The following ARHGEF10 variants were observed in gnomAD, a reference collection of about 807,000 sequenced individuals.
ARHGEF10 encodes Rho guanine nucleotide exchange factor 10.
A neutral mutation model predicts 147.4 loss-of-function variants in ARHGEF10; 140 were observed. That is an observed-to-expected ratio of 0.95 (90% confidence interval 0.83 to 1.09). ARHGEF10 has a LOEUF of 1.09. ARHGEF10 is among the 50% of genes least tolerant of loss of function. ARHGEF10 has a pLI of 0.00. For missense variants in ARHGEF10, 2,222 were observed against 1,752.7 expected, an observed-to-expected ratio of 1.27 and a Z score of -4.78; for synonymous variants, 902 against 695.8, an observed-to-expected ratio of 1.30 and a Z score of -4.67.
chr8:1,945,448 G>C (rs774868808), intron 26 of ARHGEF10, 33 bp from the exon 27 acceptor site: 1 of 1,559,988 alleles, frequency 6.4e-7, no homozygotes, highest in Non-Finnish European at 8.7e-7. Flanking sequence ...CTCACTCCAC[G>C]GGGCTAGCAG....
intron 11 of ARHGEF10, among the ~76,000 whole-genome samples, chr8:1,893,144 T>G (rs1809689617): frequency 6.6e-6 from 1 of 152,044 alleles, no homozygotes; most frequent in South Asian, 2.1e-4. Flanking sequence ...CTTTGTTTTC[T>G]TAGAACTTTG....
intron 13 of ARHGEF10, 54 bp downstream of exon 13, chr8:1,894,626 C>G (rs1200144834): frequency 6.3e-7 from 1 of 1,587,238 alleles, no homozygotes; most frequent in Non-Finnish European, 8.6e-7. Context: ...CACCTGTCCT[C>G]TCTTCCCTTC....
At chr8:1,908,445 G>T (rs1243189392) in intron 17 of ARHGEF10, among the ~76,000 whole-genome samples, 2 of 152,058 alleles carry the variant, frequency 1.3e-5, no homozygotes, top group Non-Finnish European at 2.9e-5. Context: ...TGTTAGCCAG[G>T]ATGGTCTCAA....
intron 12 of ARHGEF10, among the ~76,000 whole-genome samples, chr8:1,893,870 A>T (rs1319615885): frequency 2.0e-5 from 3 of 152,156 alleles, no homozygotes; most frequent in African/African-American, 7.2e-5. Flanking sequence ...ACATTCATTT[A>T]TCTAAGCTTT....
At chr8:1,835,062 G>A (rs1803497959) in intron 1 of ARHGEF10, among the ~76,000 whole-genome samples, 1 of 152,254 alleles carries the variant, frequency 6.6e-6, no homozygotes, top group African/African-American at 2.4e-5. Flanking sequence ...GGCGCTGATG[G>A]CCCCCGGCCC....
intron 16 of ARHGEF10, chr8:1,903,758 A>G: frequency 2.3e-6 from 1 of 436,208 alleles, no homozygotes; most frequent in Non-Finnish European, 4.2e-6. Context: ...TTTTCCTTTC[A>G]AAATAACGGT....
At chr8:1,844,511 G>A (rs1804392906) in intron 2 of ARHGEF10, among the ~76,000 whole-genome samples, 1 of 118,162 alleles carries the variant, frequency 8.5e-6, no homozygotes, top group Non-Finnish European at 1.9e-5. Context: ...ACAGGGGCCA[G>A]AAGGGATGCC....
At chr8:1,938,790 A>G (rs1371973733) in intron 26 of ARHGEF10, among the ~76,000 whole-genome samples, 1 of 152,146 alleles carries the variant, frequency 6.6e-6, no homozygotes, top group Non-Finnish European at 1.5e-5. Flanking sequence ...AAATAAAACA[A>G]CAGGCCCAGG....
intron 11 of ARHGEF10, among the ~76,000 whole-genome samples, chr8:1,888,470 T>TG (rs1316036661): frequency 1.2e-5 from 1 of 86,518 alleles, no homozygotes; most frequent in Admixed American, 9.8e-5. Context: ...GTGAGGGGTA[T>TG]TGAGGAGACA....
At chr8:1,918,142 C>T (rs1811900350) in intron 18 of ARHGEF10, among the ~76,000 whole-genome samples, 1 of 152,168 alleles carries the variant, frequency 6.6e-6, no homozygotes, top group Non-Finnish European at 1.5e-5. Context: ...AACAGTTTTT[C>T]TGAAACTGAG....
chr8:1,826,120 CCAGGATTTCT>C (rs1563140424), intron 1 of ARHGEF10: 1 of 1,594,642 alleles, frequency 6.3e-7, no homozygotes, highest in Middle Eastern at 1.7e-4. Context: ...GATGAGACCT[CCAGGATTTCT>C]CAGCAGTAAG....
chr8:1,955,991 T>G (rs4876268), intron 28 of ARHGEF10, among the ~76,000 whole-genome samples: 1 of 152,074 alleles, frequency 6.6e-6, no homozygotes, highest in African/African-American at 2.4e-5. Context: ...GTGATGTCAT[T>G]TGCCTTGGCC....
Position 1,913,985 on chromosome 8 carries a change from G to A in ARHGEF10, c.2143+4515G>A, listed in dbSNP as rs7000729. On this transcript the variant is annotated intron_variant, in intron 18 of 28. Coordinates refer to ENST00000349830, the MANE Select transcript of ARHGEF10 (RefSeq NM_014629.4). The stretch of plus-strand genomic sequence containing the variant: ...TCCAGGCAAACGCGGAAAGGGTCGT[G>A]GGTGAGGTCACAGAGTTGAGGGAGC... 8.3e-3 allele frequency among the ~76,000 whole-genome samples: 1,270 copies of A among 152,286 alleles called. 11 individuals carry two copies. Among genetic ancestry groups the A allele is most frequent in the African/African-American group, 0.029 (1,197 of 41,544 alleles).
intron 17 of ARHGEF10, among the ~76,000 whole-genome samples, 181 bp downstream of exon 17, chr8:1,905,897 G>T (rs565763885): frequency 6.6e-6 from 1 of 152,116 alleles, no homozygotes; most frequent in Non-Finnish European, 1.5e-5. Context: ...TAGATTCAGT[G>T]TAAGTCACCA....
chr8:1,916,428 G>A (rs1246019158), intron 18 of ARHGEF10, among the ~76,000 whole-genome samples: 3 of 152,204 alleles, frequency 2.0e-5, no homozygotes, highest in East Asian at 1.9e-4. Flanking sequence ...ATGTATCTTC[G>A]TGACAGTGTG....
Position 1,860,677 on chromosome 8 carries a change from C to T in ARHGEF10, c.481+493C>T, listed in dbSNP as rs1434892500. 2.0e-5 allele frequency among the ~76,000 whole-genome samples: 3 copies of T among 152,224 alleles called. No homozygotes were observed. The South Asian group carries it at 6.2e-4, about 32-fold the overall frequency. On this transcript the variant is annotated intron_variant, in intron 4 of 28. Transcript: ENST00000349830. Reference sequence around the variant, plus strand: ...TCTGGTGCCGAATGTGTTGCCCCCTCATGTCTGGGGTGCCTTGAACTTCAC... The same window carrying T: ...TCTGGTGCCGAATGTGTTGCCCCCTTATGTCTGGGGTGCCTTGAACTTCAC...
intron 5 of ARHGEF10, 98 bp from the exon 6 acceptor site, chr8:1,866,428 C>T: frequency 3.7e-6 from 2 of 537,364 alleles, no homozygotes; most frequent in Middle Eastern, 3.0e-4. Context: ...TTCTGACACA[C>T]ACACACACAC....
chr8:1,869,140 T>C, intron 6 of ARHGEF10, 54 bp from the exon 7 acceptor site: 2 of 1,506,142 alleles, frequency 1.3e-6, no homozygotes, highest in Non-Finnish European at 1.8e-6. Context: ...AAAATTTAAA[T>C]TGCACTAGGT....
chr8:1,903,512 G>A, intron 16 of ARHGEF10, 61 bp downstream of exon 16: 2 of 1,592,570 alleles, frequency 1.3e-6, no homozygotes, highest in South Asian at 1.1e-5. Context: ...CTAATAAGCT[G>A]TCGTTGTCCA....
Sources: gnomAD v4.1 joint callset for allele counts (sites outside exome capture counted in the v4.1 genomes callset) on GRCh38, gnomAD v4.1.1 for gene constraint, MANE v1.5 for transcripts, NCBI Gene and HGNC (gene_info 2026-07-23, HGNC 2026-07-21) for gene names.